Variants in LRFN5 observed in about 807,000 individuals in gnomAD.
LRFN5 encodes the protein leucine rich repeat and fibronectin type III domain containing 5, also known as leucine-rich repeat and fibronectin type-III domain-containing protein 5.
A neutral mutation model predicts 45.6 loss-of-function variants in LRFN5; 24 were observed. The ratio of observed to expected loss-of-function variants is 0.53; its 90% CI spans 0.38 to 0.74. LRFN5 has a LOEUF of 0.74. Among genes scored for constraint, LRFN5 ranks in the 30% least tolerant of loss-of-function variants. The probability of loss-of-function intolerance (pLI) is 0.00; values close to 1 mark genes in which losing one functional copy is unlikely to be tolerated. For missense variants in LRFN5, 776 were observed against 861.5 expected (o/e 0.90, Z 1.24); for synonymous variants, 340 against 313.8 (o/e 1.08, Z -0.88).
intron 1 of LRFN5, among the ~76,000 whole-genome samples, chr14:41,670,215 G>A (rs1263401275): frequency 1.5e-4 from 17 of 113,410 alleles, no homozygotes; most frequent in Middle Eastern, 5.6e-3. Context: ...GTGTGTGTGT[G>A]TATATATATG....
intron 1 of LRFN5, among the ~76,000 whole-genome samples, chr14:41,751,484 T>C (rs933150046): frequency 1.3e-5 from 2 of 152,138 alleles, no homozygotes; most frequent in Admixed American, 6.5e-5. Context: ...CTTCTAGATA[T>C]GTTCAAGGAG....
intron 1 of LRFN5, among the ~76,000 whole-genome samples, chr14:41,641,320 G>A (rs1042157809): frequency 5.9e-5 from 9 of 152,160 alleles, no homozygotes; most frequent in Non-Finnish European, 1.0e-4. Flanking sequence ...GGTGGATTTC[G>A]TAAAATGGAT....
At chr14:41,888,629 A>G (rs1890664546) in intron 3 of LRFN5, among the ~76,000 whole-genome samples, 1 of 152,034 alleles carries the variant, frequency 6.6e-6, no homozygotes, top group Non-Finnish European at 1.5e-5. Flanking sequence ...ATTAAGGGGT[A>G]TGTGTGCGTG....
intron 2 of LRFN5, among the ~76,000 whole-genome samples, chr14:41,818,736 C>G (rs1369204064): frequency 6.6e-6 from 1 of 152,092 alleles, no homozygotes; most frequent in Non-Finnish European, 1.5e-5. Flanking sequence ...TGTTTCATCT[C>G]TTTACCATAA....
intron 2 of LRFN5, among the ~76,000 whole-genome samples, chr14:41,803,432 G>A (rs1016929673): frequency 2.2e-4 from 34 of 151,554 alleles, no homozygotes; most frequent in African/African-American, 7.0e-4. Context: ...CCTCGCTGCC[G>A]CCTCAAACTC....
intron 3 of LRFN5, among the ~76,000 whole-genome samples, chr14:41,889,200 T>C (rs533914874): frequency 6.6e-6 from 1 of 151,504 alleles, no homozygotes; most frequent in East Asian, 1.9e-4. Flanking sequence ...TTCAATATAA[T>C]TGATTTTCAT....
At chr14:41,737,671 A>T (rs1166995871) in intron 1 of LRFN5, among the ~76,000 whole-genome samples, 1 of 152,186 alleles carries the variant, frequency 6.6e-6, no homozygotes, top group Non-Finnish European at 1.5e-5. Flanking sequence ...TACAAAATCA[A>T]TGTGCAAAAA....
chr14:41,786,188 G>A (rs1477987130), intron 2 of LRFN5, among the ~76,000 whole-genome samples: 4 of 152,094 alleles, frequency 2.6e-5, no homozygotes, highest in African/African-American at 9.7e-5. Context: ...GCATTTTCAA[G>A]AGACAGACAA....
chr14:41,616,320 A>G (rs1342486032), intron 1 of LRFN5, among the ~76,000 whole-genome samples: 2 of 151,992 alleles, frequency 1.3e-5, no homozygotes, highest in Non-Finnish European at 2.9e-5. Context: ...GCATACTTGG[A>G]TTTTCTGCTA....
At chr14:41,684,179 T>A (rs1393560240) in intron 1 of LRFN5, among the ~76,000 whole-genome samples, 1 of 152,142 alleles carries the variant, frequency 6.6e-6, no homozygotes, top group Non-Finnish European at 1.5e-5. Context: ...GAACATACAA[T>A]GAGGAAAGGA....
At chr14:41,858,421 C>T (rs1021396534) in intron 2 of LRFN5, among the ~76,000 whole-genome samples, 14 of 152,090 alleles carry the variant, frequency 9.2e-5, no homozygotes, top group Admixed American at 4.6e-4. Flanking sequence ...TAATACATCC[C>T]TTTTTTTCCC....
chr14:41,654,665 A>G (rs1024275645), intron 1 of LRFN5, among the ~76,000 whole-genome samples: 1 of 152,064 alleles, frequency 6.6e-6, no homozygotes, highest in Non-Finnish European at 1.5e-5. Flanking sequence ...ATTGTGTCAA[A>G]TTTTATTGCA....
intron 1 of LRFN5, among the ~76,000 whole-genome samples, chr14:41,672,336 T>C (rs1356729393): frequency 6.6e-6 from 1 of 152,176 alleles, no homozygotes; most frequent in Non-Finnish European, 1.5e-5. Context: ...CATTCCTCCT[T>C]CTCTTTATTT....
intron 2 of LRFN5, among the ~76,000 whole-genome samples, chr14:41,781,608 GAA>G (rs1306751921): frequency 3.0e-4 from 25 of 83,566 alleles, no homozygotes; most frequent in African/African-American, 1.2e-3. Context: ...AAGAAAGAAA[GAA>G]AGAAAGAGAA....
chr14:41,851,128 T>C, intron 2 of LRFN5, among the ~76,000 whole-genome samples: 1 of 151,730 alleles, frequency 6.6e-6, no homozygotes, highest in East Asian at 1.9e-4. Context: ...GTACACCATA[T>C]TTACTACTCC....
At chr14:41,730,590 A>G (rs530008059) in intron 1 of LRFN5, among the ~76,000 whole-genome samples, 2 of 151,966 alleles carry the variant, frequency 1.3e-5, no homozygotes, top group African/African-American at 2.4e-5. Flanking sequence ...AAAGGCATAG[A>G]TAATATCAGT....
intron 1 of LRFN5, among the ~76,000 whole-genome samples, chr14:41,672,242 T>C (rs61990312): frequency 0.098 from 14,912 of 152,318 alleles, 941 homozygotes; most frequent in Non-Finnish European, 0.14. Flanking sequence ...TCTGATTTAT[T>C]AGCTATTTTT....
chr14:41,689,086 A>G (rs935385921), intron 1 of LRFN5, among the ~76,000 whole-genome samples: 1 of 148,780 alleles, frequency 6.7e-6, no homozygotes, highest in Admixed American at 6.7e-5. Flanking sequence ...CAGAGTGAGA[A>G]CCCATCTCTA....
At chr14:41,774,942 G>A (rs909425511) in intron 2 of LRFN5, among the ~76,000 whole-genome samples, 1 of 152,014 alleles carries the variant, frequency 6.6e-6, no homozygotes, top group African/African-American at 2.4e-5. Context: ...GATCTTACAT[G>A]TATAACTAAA....
Sources: gnomAD v4.1 joint callset for allele counts (sites outside exome capture counted in the v4.1 genomes callset) on GRCh38, gnomAD v4.1.1 for gene constraint, MANE v1.5 for transcripts, NCBI Gene and HGNC (gene_info 2026-07-23, HGNC 2026-07-21) for gene names.